ATP2B1: variants seen among roughly 807,000 people sequenced by gnomAD.
The protein encoded by ATP2B1 is ATPase plasma membrane Ca2+ transporting 1.
ATP2B1 carries 14 observed loss-of-function variants against 124.2 expected under a neutral mutation model. The observed-to-expected ratio is 0.11, with a 90% CI of 0.07 to 0.18. ATP2B1 has a LOEUF of 0.18. Ranked by LOEUF, ATP2B1 falls within the 10% of genes least tolerant of loss-of-function variation. The pLI, the probability that ATP2B1 is intolerant of heterozygous loss-of-function variation, is 1.00. For missense variants in ATP2B1, 763 were observed against 1,466.1 expected, an observed-to-expected ratio of 0.52 and a Z score of 7.83; for synonymous variants, 449 against 492.4, an observed-to-expected ratio of 0.91 and a Z score of 1.17.
At chr12:89,634,065 T>C (rs2136187523) in intron 5 of ATP2B1, among the ~76,000 whole-genome samples, 1 of 152,278 alleles carries the variant, frequency 6.6e-6, no homozygotes, top group Middle Eastern at 3.4e-3. Context: ...ATTTCATATT[T>C]ACTTAGTTCA....
In ATP2B1 at chr12:89,636,427, G is replaced by A. The variant is rs1026891918; in HGVS notation, c.407-1176C>T. Among the ~76,000 whole-genome samples, 7 of 152,120 alleles carry A rather than the reference G, an allele frequency of 4.6e-5. No individual in the cohort carries two copies. In the East Asian group the frequency reaches 5.8e-4, roughly 13 times the overall value. ...AAGGATAAGTATTATTTCCTGAAAC[G>A]CTGATTACTTATAAATTCGCATGAA... On this transcript the variant is annotated intron_variant, in intron 3 of 20. Coordinates refer to ENST00000428670, the MANE Select transcript of ATP2B1 (RefSeq NM_001366521.1).
At chr12:89,643,420 A>C (rs1380892569) in intron 2 of ATP2B1, among the ~76,000 whole-genome samples, 1 of 152,198 alleles carries the variant, frequency 6.6e-6, no homozygotes. Context: ...CTCTACTAAA[A>C]TGTCTCTGTT....
intron 10 of ATP2B1, among the ~76,000 whole-genome samples, 185 bp downstream of exon 10, chr12:89,621,364 G>A (rs1386912137): frequency 6.6e-6 from 1 of 151,942 alleles, no homozygotes; most frequent in East Asian, 1.9e-4. Context: ...AGCAAACAAT[G>A]TTTATGTTGA....
chr12:89,687,328 C>T lies in ATP2B1; in HGVS notation c.-222+21268G>A, dbSNP rs1890076144. On this transcript the variant is annotated intron_variant, in intron 1 of 20. Coordinates refer to ENST00000428670, the MANE Select transcript of ATP2B1 (RefSeq NM_001366521.1). ...AGTAACATGCTATATGGGTTTGCAG[C>T]CTAGAAGCAATAGGCTATGCCACAT... Among the ~76,000 whole-genome samples, 2 of 152,102 alleles carry T rather than the reference C, an allele frequency of 1.3e-5. 1 individual carries two copies. Among genetic ancestry groups the T allele is most frequent in the South Asian group, 4.1e-4 (2 of 4,836 alleles).
intron 9 of ATP2B1, among the ~76,000 whole-genome samples, chr12:89,622,306 T>TTA (rs1555198159): frequency 6.6e-6 from 1 of 151,668 alleles, no homozygotes; most frequent in African/African-American, 2.4e-5. Context: ...TTGATTTTTT[T>TTA]TTATTATTAA....
At chr12:89,689,202 C>T (rs1283655783) in intron 1 of ATP2B1, among the ~76,000 whole-genome samples, 1 of 152,044 alleles carries the variant, frequency 6.6e-6, no homozygotes, top group Non-Finnish European at 1.5e-5. Flanking sequence ...AAAATACAAG[C>T]TACCCAGTTA....
chr12:89,609,447 T>C (rs796496777), intron 15 of ATP2B1, among the ~76,000 whole-genome samples: 34 of 152,266 alleles, frequency 2.2e-4, no homozygotes, highest in African/African-American at 7.7e-4. Context: ...AATAAAATAC[T>C]TAAATTGAGG....
intron 20 of ATP2B1, 140 bp from the exon 21 acceptor site, chr12:89,591,435 C>G: frequency 1.5e-6 from 1 of 685,690 alleles, no homozygotes; most frequent in Non-Finnish European, 2.4e-6. Flanking sequence ...TTGCAATACA[C>G]TGTAAAAAAA....
chr12:89,689,641 T>C lies in ATP2B1; in HGVS notation c.-222+18955A>G, dbSNP rs144335728. ...TGCCTTATTCCACATCTGGCCCATA[T>C]TTAATACGGCTTCTTACTCCTTATC... On this transcript the variant is annotated intron_variant, in intron 1 of 20. Transcript: ENST00000428670. Among the ~76,000 whole-genome samples, 705 of 152,256 alleles carry C rather than the reference T, an allele frequency of 4.6e-3. 4 individuals are homozygous for C. Among genetic ancestry groups the C allele is most frequent in the African/African-American group, 0.016 (659 of 41,572 alleles).
chr12:89,601,067 G>A (rs1416970194), intron 19 of ATP2B1, among the ~76,000 whole-genome samples: 1 of 151,518 alleles, frequency 6.6e-6, no homozygotes, highest in East Asian at 1.9e-4. Context: ...TTTAAAAACC[G>A]CTACAAAACT....
intron 1 of ATP2B1, among the ~76,000 whole-genome samples, chr12:89,657,941 C>A (rs1383269822): frequency 1.3e-5 from 2 of 152,142 alleles, no homozygotes; most frequent in Non-Finnish European, 2.9e-5. Flanking sequence ...TCCTTCCTCC[C>A]ACTTCACAAA....
chr12:89,614,227 T>G (rs768324722), intron 12 of ATP2B1, among the ~76,000 whole-genome samples: 7 of 152,190 alleles, frequency 4.6e-5, no homozygotes, highest in Non-Finnish European at 8.8e-5. Context: ...TTCAGGAGGC[T>G]GAGGTGGGAG....
At chr12:89,689,906 T>C (rs977620514) in intron 1 of ATP2B1, among the ~76,000 whole-genome samples, 2 of 152,126 alleles carry the variant, frequency 1.3e-5, no homozygotes, top group Non-Finnish European at 2.9e-5. Context: ...AATACAGAAA[T>C]TGTAATGGTC....
At chr12:89,670,276 T>C (rs1401081274) in intron 1 of ATP2B1, among the ~76,000 whole-genome samples, 1 of 151,260 alleles carries the variant, frequency 6.6e-6, no homozygotes, top group African/African-American at 2.4e-5. Context: ...TTCTAAATAA[T>C]AATAAAAATA....
intron 8 of ATP2B1, among the ~76,000 whole-genome samples, chr12:89,625,532 C>T (rs1880712433): frequency 7.3e-6 from 1 of 136,184 alleles, no homozygotes; most frequent in Non-Finnish European, 1.5e-5. Context: ...GTTCAGTGAG[C>T]TGTGATCATG....
intron 1 of ATP2B1, among the ~76,000 whole-genome samples, chr12:89,665,319 C>T (rs1476327495): frequency 6.6e-6 from 1 of 152,066 alleles, no homozygotes; most frequent in Non-Finnish European, 1.5e-5. Context: ...AATGTGGAGA[C>T]TCATATTGAT....
chr12:89,658,598 GGAGA>G (rs67298800), intron 1 of ATP2B1, among the ~76,000 whole-genome samples: 2,358 of 69,572 alleles, frequency 0.034, 28 homozygotes, highest in Middle Eastern at 0.048. Context: ...AATTCAAACA[GGAGA>G]GAGAGAGAGA....
chr12:89,631,921 G>A (rs561275538), intron 5 of ATP2B1, among the ~76,000 whole-genome samples: 63 of 151,610 alleles, frequency 4.2e-4, no homozygotes, highest in South Asian at 1.5e-3. Flanking sequence ...GCGAGTCACC[G>A]TGCTCGGCCT....
At chr12:89,696,067 G>A (rs78176260) in intron 1 of ATP2B1, among the ~76,000 whole-genome samples, 47 of 152,334 alleles carry the variant, frequency 3.1e-4, no homozygotes, top group East Asian at 2.7e-3. Context: ...TGTGCCAAGG[G>A]TGAGTGACAG....
Sources: gnomAD v4.1 joint callset for allele counts (sites outside exome capture counted in the v4.1 genomes callset) on GRCh38, gnomAD v4.1.1 for gene constraint, MANE v1.5 for transcripts, NCBI Gene and HGNC (gene_info 2026-07-23, HGNC 2026-07-21) for gene names.